Variants in SLC24A2 observed in about 807,000 individuals in gnomAD.
SLC24A2 encodes the protein solute carrier family 24 member 2, also known as sodium/potassium/calcium exchanger 2.
A neutral mutation model predicts 62.0 loss-of-function variants in SLC24A2; 36 were observed. That is an observed-to-expected ratio of 0.58 (90% confidence interval 0.44 to 0.77). The LOEUF is 0.77. SLC24A2 is among the 30% of genes least tolerant of loss of function. SLC24A2 has a pLI of 0.00. For missense variants in SLC24A2, 846 were observed against 817.9 expected (o/e 1.03, Z -0.42); for synonymous variants, 358 against 294.0 (o/e 1.22, Z -2.23).
At chr9:19,848,719 T>TA in the SLC24A2 span, among the ~76,000 whole-genome samples, 4 of 152,136 alleles carry the variant, frequency 2.6e-5, no homozygotes, top group Admixed American at 2.0e-4. Context: ...GTAGGTGAGA[T>TA]AAAAAAATGT....
chr9:19,546,360 CT>C (rs946481400), intron 8 of SLC24A2, among the ~76,000 whole-genome samples: 18 of 151,596 alleles, frequency 1.2e-4, no homozygotes, highest in African/African-American at 3.6e-4. Context: ...GGGGTACTGC[CT>C]TTTTTTTTCA....
At chr9:20,292,594 C>A in the SLC24A2 span, among the ~76,000 whole-genome samples, 1 of 152,266 alleles carries the variant, frequency 6.6e-6, no homozygotes, top group South Asian at 2.1e-4. Flanking sequence ...CGTTGTCTTA[C>A]GGTTCTGTTT....
chr9:19,610,940 T>C (rs1183417860), intron 4 of SLC24A2, among the ~76,000 whole-genome samples: 2 of 152,202 alleles, frequency 1.3e-5, no homozygotes, highest in Non-Finnish European at 1.5e-5. Context: ...TGAGTCCTGC[T>C]CTGTTGGAGG....
the SLC24A2 span, among the ~76,000 whole-genome samples, chr9:20,280,388 T>C: frequency 5.9e-5 from 9 of 152,138 alleles, no homozygotes; most frequent in Non-Finnish European, 1.3e-4. Context: ...TCCATCTGAC[T>C]AGAGGCAATT....
In SLC24A2 at chr9:19,508,633, A is replaced by G. The variant is rs1028501550; in HGVS notation, c.*7520T>C. 3.3e-5 allele frequency: 5 copies of G among 152,066 alleles called. No homozygotes were observed. The highest frequency in any genetic ancestry group is 4.8e-5 in the African/African-American group (2 of 41,382). 9.4% of individuals were successfully genotyped at this position (152,066 alleles called of 1,614,324 possible). ...CATAGTGAGACTCCATCTCTTAACAACAACAACAAAATTAGCCAGGCATGG... is the reference window on the plus strand; with the variant it reads ...CATAGTGAGACTCCATCTCTTAACAGCAACAACAAAATTAGCCAGGCATGG... On this transcript the variant is annotated 3_prime_UTR_variant, in exon 11 of 11. Coordinates refer to ENST00000341998, the MANE Select transcript of SLC24A2 (RefSeq NM_020344.4).
chr9:19,751,302 G>C (rs931882336), intron 2 of SLC24A2, among the ~76,000 whole-genome samples: 2 of 152,172 alleles, frequency 1.3e-5, no homozygotes, highest in Non-Finnish European at 2.9e-5. Context: ...ATATGACAGA[G>C]AAAGAAAGCA....
chr9:19,871,871 C>G, the SLC24A2 span, among the ~76,000 whole-genome samples: 4 of 152,042 alleles, frequency 2.6e-5, no homozygotes, highest in African/African-American at 4.8e-5. Flanking sequence ...AAAACATATG[C>G]AAAATTTTCT....
chr9:20,265,436 T>C, the SLC24A2 span, among the ~76,000 whole-genome samples: 1 of 152,238 alleles, frequency 6.6e-6, no homozygotes, highest in Non-Finnish European at 1.5e-5. Flanking sequence ...ACTTTTATAA[T>C]TTCTTACGCC....
chr9:19,998,705 G>A, the SLC24A2 span, among the ~76,000 whole-genome samples: 1 of 152,184 alleles, frequency 6.6e-6, no homozygotes, highest in Non-Finnish European at 1.5e-5. Context: ...CATACTAATT[G>A]TCTGCCCATA....
the SLC24A2 span, among the ~76,000 whole-genome samples, chr9:20,302,083 G>A: frequency 2.6e-5 from 4 of 152,134 alleles, no homozygotes; most frequent in South Asian, 2.1e-4. Context: ...TACTTTTAAC[G>A]CTGAATAATA....
chr9:19,933,226 T>A, the SLC24A2 span, among the ~76,000 whole-genome samples: 2 of 152,210 alleles, frequency 1.3e-5, no homozygotes, highest in Non-Finnish European at 2.9e-5. Context: ...GAGTAAGGCA[T>A]GCTAAGGTAC....
the SLC24A2 span, among the ~76,000 whole-genome samples, chr9:19,809,158 C>T: frequency 2.6e-4 from 40 of 151,762 alleles, no homozygotes; most frequent in Admixed American, 5.9e-4. Context: ...TTTTTTTATA[C>T]GTCCACAGGA....
chr9:19,597,098 CA>C, intron 5 of SLC24A2, 130 bp downstream of exon 5: 1 of 691,860 alleles, frequency 1.4e-6, no homozygotes, highest in South Asian at 1.7e-5. Flanking sequence ...GACAAAAATG[CA>C]GAAAGAATAG....
chr9:19,840,779 CCT>C, the SLC24A2 span, among the ~76,000 whole-genome samples: 998 of 152,232 alleles, frequency 6.6e-3, 9 homozygotes, highest in African/African-American at 0.023. Flanking sequence ...GCTCCCTTCC[CCT>C]CTCTCTGATT....
At chr9:20,044,588 G>T in the SLC24A2 span, among the ~76,000 whole-genome samples, 1 of 152,116 alleles carries the variant, frequency 6.6e-6, no homozygotes, top group East Asian at 1.9e-4. Flanking sequence ...TCCTCACTGG[G>T]TCCTTGGGAC....
chr9:19,742,466 T>C (rs1312141960), intron 2 of SLC24A2, among the ~76,000 whole-genome samples: 3 of 152,168 alleles, frequency 2.0e-5, no homozygotes, highest in Non-Finnish European at 4.4e-5. Flanking sequence ...TGATAGATAA[T>C]GCCCTAAGTT....
chr9:20,176,027 T>C, the SLC24A2 span, among the ~76,000 whole-genome samples: 6,818 of 151,990 alleles, frequency 0.045, 454 homozygotes, highest in African/African-American at 0.14. Flanking sequence ...GAGGACCCGG[T>C]GAGAGAGAAA....
At chr9:19,526,334 C>T (rs1329484746) in intron 9 of SLC24A2, among the ~76,000 whole-genome samples, 5 of 152,188 alleles carry the variant, frequency 3.3e-5, no homozygotes, top group Non-Finnish European at 5.9e-5. Context: ...TGTTTGTGGA[C>T]GTATGTTTTC....
At chr9:19,643,473 T>C (rs1226901511) in intron 2 of SLC24A2, among the ~76,000 whole-genome samples, 3 of 152,176 alleles carry the variant, frequency 2.0e-5, no homozygotes, top group South Asian at 2.1e-4. Flanking sequence ...AAATTGAGCA[T>C]AGATCCTTTG....
Sources: allele counts gnomAD v4.1 joint callset (sites outside exome capture counted in the v4.1 genomes callset), GRCh38; gene constraint gnomAD v4.1.1; transcripts MANE v1.5; gene names NCBI Gene and HGNC (gene_info 2026-07-23, HGNC 2026-07-21).